Variants in CNMD observed in about 807,000 individuals in gnomAD.
The protein encoded by CNMD is leukocyte cell-derived chemotaxin 1.
Under a neutral mutation model 37.5 loss-of-function variants are expected in CNMD, and 30 were observed. The ratio of observed to expected loss-of-function variants is 0.80; its 90% confidence interval spans 0.60 to 1.09. CNMD has a LOEUF of 1.09. Among genes scored for constraint, CNMD ranks in the 50% least tolerant of loss-of-function variants. The probability of loss-of-function intolerance (pLI) is 0.00; values close to 1 mark genes in which losing one functional copy is unlikely to be tolerated. For synonymous variants in CNMD, 167 were observed against 148.2 expected, an observed-to-expected ratio of 1.13 and a Z score of -0.92; for missense variants, 398 against 423.9, an observed-to-expected ratio of 0.94 and a Z score of 0.54.
At chr13:52,724,151 C>T in intron 3 of CNMD, 41 bp from the exon 4 acceptor site, 1 of 1,437,398 alleles carries the variant, frequency 7.0e-7, no homozygotes, top group Middle Eastern at 1.7e-4. Context: ...TCCATTTGTT[C>T]ATTTATTCGA....
intron 4 of CNMD, among the ~76,000 whole-genome samples, chr13:52,714,160 A>G (rs1320049927): frequency 6.6e-6 from 1 of 152,054 alleles, no homozygotes; most frequent in Admixed American, 6.6e-5. Flanking sequence ...TCTTCCTGAC[A>G]TTTTTACTTG....
chr13:52,709,262 G>A (rs543150557), intron 5 of CNMD, among the ~76,000 whole-genome samples: 1 of 152,236 alleles, frequency 6.6e-6, no homozygotes, highest in Non-Finnish European at 1.5e-5. Flanking sequence ...CATGCTACAG[G>A]TAGTAAAATG....
chr13:52,733,494 A>G, intron 2 of CNMD, 135 bp from the exon 3 acceptor site: 1 of 785,008 alleles, frequency 1.3e-6, no homozygotes. Context: ...TAATACATTT[A>G]TATATGATGA....
At chr13:52,735,979 G>A (rs1296864032) in intron 2 of CNMD, among the ~76,000 whole-genome samples, 1 of 151,330 alleles carries the variant, frequency 6.6e-6, no homozygotes, top group Non-Finnish European at 1.5e-5. Flanking sequence ...ACAGGCATGC[G>A]CCACCACGCC....
chr13:52,738,590 A>G (rs1240588478), intron 2 of CNMD, among the ~76,000 whole-genome samples: 1 of 152,150 alleles, frequency 6.6e-6, no homozygotes, highest in Non-Finnish European at 1.5e-5. Context: ...GGGTCTGAAT[A>G]TGGGTCTGAA....
chr13:52,713,381 C>G (rs1276964555), intron 4 of CNMD, among the ~76,000 whole-genome samples: 1 of 152,132 alleles, frequency 6.6e-6, no homozygotes, highest in Admixed American at 6.5e-5. Flanking sequence ...CCAGCTATAA[C>G]AACACATATT....
rs762114617 is a variant in CNMD at position 52,708,602 on chromosome 13, C to T, written c.723G>A (p.Leu241=). 1.3e-5 allele frequency: 21 copies of T among 1,613,890 alleles called. No individual in the cohort carries two copies. In the African/African-American group the frequency reaches 2.8e-4, roughly 22 times the overall value. The part of the protein sequence containing the change: ...GPRSNPGAGR[L]NNETRPSVQE... The stretch of plus-strand genomic sequence containing the variant: ...GAACACTGGGTCTGGTTTCATTATT[C>T]AGTCTTCCAGCGCCTGGGTTGCTCC... Residue 241 remains leucine, a synonymous_variant, in exon 6 of 7, where the codon CTG becomes CTA. Transcript: ENST00000377962.
chr13:52,706,345 C>T (rs1014367106), intron 6 of CNMD, among the ~76,000 whole-genome samples: 5 of 152,106 alleles, frequency 3.3e-5, no homozygotes, highest in East Asian at 1.9e-4. Flanking sequence ...ACTCATGCTT[C>T]GGTATTTATG....
chr13:52,703,274 A>T lies in CNMD; in HGVS notation c.*321T>A, dbSNP rs952535622. On this transcript the variant is annotated 3_prime_UTR_variant, in exon 7 of 7. Transcript: ENST00000377962. ...AGTGTACAATTGAGATTTTTGGCAA[A>T]CTGTAAATTTTCATGTTTATTTCAA... The T allele has an allele frequency of 1.4e-5, 3 of 211,054 alleles. No individual in the cohort carries two copies. The highest frequency in any genetic ancestry group is 2.8e-5 in the Non-Finnish European group (3 of 105,982). 13.1% of individuals were successfully genotyped at this position (211,054 alleles called of 1,614,324 possible).
At chr13:52,706,913 A>T (rs1194070497) in intron 6 of CNMD, among the ~76,000 whole-genome samples, 1 of 152,102 alleles carries the variant, frequency 6.6e-6, no homozygotes, top group Non-Finnish European at 1.5e-5. Context: ...TTTATTTTTT[A>T]GTTGAAGTCT....
At chr13:52,717,020 T>G (rs1011318604) in intron 4 of CNMD, among the ~76,000 whole-genome samples, 5 of 152,210 alleles carry the variant, frequency 3.3e-5, no homozygotes, top group Non-Finnish European at 5.9e-5. Flanking sequence ...CTCTCTTTTT[T>G]CATTGAGCAG....
intron 2 of CNMD, among the ~76,000 whole-genome samples, chr13:52,736,657 A>C (rs900962224): frequency 5.9e-5 from 9 of 152,226 alleles, no homozygotes; most frequent in Non-Finnish European, 4.4e-5. Flanking sequence ...AAACAAGATG[A>C]AATTTATTAT....
intron 3 of CNMD, among the ~76,000 whole-genome samples, chr13:52,731,348 T>A (rs899206815): frequency 1.3e-5 from 2 of 152,230 alleles, no homozygotes; most frequent in African/African-American, 4.8e-5. Context: ...GCACACAGCA[T>A]GTCTCAATAA....
At chr13:52,714,790 G>GAAAATTCACC (rs1211316177) in intron 4 of CNMD, among the ~76,000 whole-genome samples, 1 of 151,988 alleles carries the variant, frequency 6.6e-6, no homozygotes, top group Non-Finnish European at 1.5e-5. Context: ...CACACACGGA[G>GAAAATTCACC]AAAATTCACC....
Position 52,739,057 on chromosome 13 carries a change from A to G in CNMD, c.187T>C (p.Tyr63His), listed in dbSNP as rs757582200. The change falls in exon 2 of 7, where the codon TAC becomes CAC. Residue 63 changes from tyrosine (Y) to histidine (H), a missense_variant. Tyr to His is a moderately conservative substitution (Grantham distance 83). Coordinates refer to ENST00000377962, the MANE Select transcript of CNMD (RefSeq NM_007015.3). This position sits in a 1 kb window ranked among gnomAD's most constrained non-coding sequence, Gnocchi z 5.4. ...LLLFGAIGAF[Y>H]FWKGSDSHIY... ...TGACTGTCGCTCCCCTTCCAGAAGT[A>G]GAAGGCCCCGATGGCCCCAAAGAGC... 3 of 1,579,664 alleles carry G rather than the reference A, an allele frequency of 1.9e-6. No homozygotes were observed. Among genetic ancestry groups the G allele is most frequent in the African/African-American group, 1.4e-5 (1 of 70,758 alleles).
At chr13:52,708,772 G>T in intron 5 of CNMD, 70 bp from the exon 6 acceptor site, 1 of 1,271,996 alleles carries the variant, frequency 7.9e-7, no homozygotes, top group Non-Finnish European at 1.1e-6. Flanking sequence ...GTTTATCAGG[G>T]TGAAAAACAT....
At chr13:52,725,512 C>T (rs1371373547) in intron 3 of CNMD, among the ~76,000 whole-genome samples, 5 of 152,068 alleles carry the variant, frequency 3.3e-5, no homozygotes, top group Admixed American at 1.3e-4. Flanking sequence ...ACATCAGCCA[C>T]AAAGCTCCAG....
intron 2 of CNMD, among the ~76,000 whole-genome samples, chr13:52,735,626 A>G (rs1274618043): frequency 6.6e-6 from 1 of 151,812 alleles, no homozygotes; most frequent in Non-Finnish European, 1.5e-5. Context: ...ATTGTCTTGG[A>G]CCACACATAA....
chr13:52,705,531 TATTA>T (rs1424113595), intron 6 of CNMD, among the ~76,000 whole-genome samples: 1 of 152,228 alleles, frequency 6.6e-6, no homozygotes, highest in Non-Finnish European at 1.5e-5. Context: ...CAACCTCATT[TATTA>T]ATTATGAGGC....
Sources: gnomAD v4.1 joint callset for allele counts (sites outside exome capture counted in the v4.1 genomes callset) on GRCh38, gnomAD v4.1.1 for gene constraint, Gnocchi (gnomAD v3.1) non-coding constraint, MANE v1.5 for transcripts, NCBI Gene and HGNC (gene_info 2026-07-23, HGNC 2026-07-21) for gene names.